PKD2: variants seen among roughly 807,000 people sequenced by gnomAD.
PKD2 encodes polycystin 2, transient receptor potential cation channel.
A neutral mutation model predicts 105.9 loss-of-function variants in PKD2; 48 were observed. The observed-to-expected ratio is 0.45, with a 90% CI of 0.36 to 0.58. The LOEUF (loss-of-function observed/expected upper bound fraction) is 0.58. PKD2 is among the 20% of genes least tolerant of loss of function. PKD2 has a pLI of 0.00. For synonymous variants in PKD2, 464 were observed against 481.1 expected (o/e 0.96, Z 0.46); for missense variants, 1,078 against 1,255.3 (o/e 0.86, Z 2.13).
At chr4:88,061,103 ACT>A (rs1212215666) in intron 9 of PKD2, among the ~76,000 whole-genome samples, 1 of 152,036 alleles carries the variant, frequency 6.6e-6, no homozygotes, top group African/African-American at 2.4e-5. Flanking sequence ...AGCCTTTTAA[ACT>A]CTTTAAAAAT....
intron 12 of PKD2, 64 bp from the exon 13 acceptor site, chr4:88,067,834 C>A: frequency 6.8e-7 from 1 of 1,466,892 alleles, no homozygotes; most frequent in East Asian, 2.3e-5. Context: ...TGCCCAAGTC[C>A]TTGGTGAGGC....
chr4:88,044,148 G>A (rs1411738291), intron 5 of PKD2, among the ~76,000 whole-genome samples: 2 of 152,220 alleles, frequency 1.3e-5, no homozygotes, highest in South Asian at 2.1e-4. Flanking sequence ...ATAAAGATCC[G>A]CACCTTGGCA....
chr4:88,025,047 G>T (rs1726904298), intron 2 of PKD2, among the ~76,000 whole-genome samples: 1 of 151,990 alleles, frequency 6.6e-6, no homozygotes, highest in African/African-American at 2.4e-5. Context: ...GCAGGGAATT[G>T]CTTAAACCCT....
chr4:88,019,557 T>C lies in PKD2; in HGVS notation c.695T>C (p.Ile232Thr). Reference protein sequence around the residue: ...RELVTYLLFLIVLCILTYGMM... With the variant: ...RELVTYLLFLTVLCILTYGMM... ...CTGGTCACATACCTCCTTTTTCTCA[T>C]AGTCTTGTGCATCTGTAAGTAGAAT... The change falls in exon 2 of 15, where the codon ATA (isoleucine) becomes ACA (threonine). Residue 232 changes from isoleucine to threonine, a missense_variant. Ile to Thr is a moderately conservative substitution (Grantham distance 89). Around this residue, in one of 2 missense-constraint regions of PKD2, gnomAD observed 868 missense variants for 1,067.3 expected, o/e 0.81. Transcript: ENST00000237596. 6.5e-7 allele frequency: 1 copy of C among 1,538,796 alleles called. No homozygotes were observed. Among genetic ancestry groups the C allele is most frequent in the Non-Finnish European group, 9.0e-7 (1 of 1,111,140 alleles).
intron 1 of PKD2, among the ~76,000 whole-genome samples, chr4:88,009,654 A>C (rs1726318892): frequency 6.6e-6 from 1 of 152,252 alleles, no homozygotes; most frequent in Non-Finnish European, 1.5e-5. Context: ...AGATTCTTAT[A>C]CTAGTTAATT....
chr4:88,065,958 G>A (rs559397348), intron 12 of PKD2, 79 bp downstream of exon 12: 8 of 845,078 alleles, frequency 9.5e-6, no homozygotes, highest in Admixed American at 1.7e-5. Context: ...AGAAGTAGTG[G>A]GTTATTGAGT....
Position 88,075,076 on chromosome 4 carries a change from A to G in PKD2, c.2670+117A>G, listed in dbSNP as rs546512230. On this transcript the variant is annotated intron_variant, in intron 14 of 14. Coordinates refer to ENST00000237596, the MANE Select transcript of PKD2 (RefSeq NM_000297.4). ...AAGAGTAAAAAAAATTTACGTTTAT[A>G]GAAATTCACAATGATGTTTCCATTT... The G allele has an allele frequency of 4.7e-6, 5 of 1,073,416 alleles. No homozygotes were observed. The African/African-American group carries it at 6.3e-5, about 14-fold the overall frequency. 66.5% of individuals were successfully genotyped at this position (1,073,416 alleles called of 1,614,324 possible).
At position 88,047,171 on chromosome 4, in the gene PKD2, C is replaced by CT. The variant is rs1435211265; in HGVS notation, c.1548+304dup. Among the ~76,000 whole-genome samples, 7 of 137,170 alleles carry CT rather than the reference C, an allele frequency of 5.1e-5. No homozygotes were observed. The East Asian group carries it at 1.2e-3, about 24-fold the overall frequency. The allele number at this position is 137,170 out of a possible 152,430, so 90.0% of individuals were successfully genotyped here. A position where few individuals can be genotyped will look rare whatever the true frequency, so the allele number is the denominator to read the frequency against. ...TGTGGAGGAGAAAACAGTTTTTTTT[C>CT]TTTGTTTTTTTTTCCACTAATGATA... is the stretch of plus-strand genomic sequence containing the variant. On this transcript the variant is annotated intron_variant, in intron 6 of 14. Transcript: ENST00000237596.
intron 6 of PKD2, among the ~76,000 whole-genome samples, chr4:88,050,176 G>A (rs1397636476): frequency 5.3e-5 from 8 of 151,796 alleles, no homozygotes; most frequent in African/African-American, 1.2e-4. Context: ...GGGTTTCACC[G>A]AGTTAGCCAG....
At chr4:88,039,172 C>A (rs926092607) in intron 4 of PKD2, among the ~76,000 whole-genome samples, 1 of 152,106 alleles carries the variant, frequency 6.6e-6, no homozygotes, top group Non-Finnish European at 1.5e-5. Flanking sequence ...TCCCTGGGTA[C>A]GTCACTGGTC....
chr4:88,016,314 G>C (rs142564144), intron 1 of PKD2, among the ~76,000 whole-genome samples: 1 of 152,180 alleles, frequency 6.6e-6, no homozygotes, highest in African/African-American at 2.4e-5. Flanking sequence ...CTCTCAGTCC[G>C]TGTTCTCCCT....
At chr4:88,060,356 A>G (rs1720523484) in intron 9 of PKD2, among the ~76,000 whole-genome samples, 1 of 152,128 alleles carries the variant, frequency 6.6e-6, no homozygotes, top group Non-Finnish European at 1.5e-5. Context: ...TCCTTAATAC[A>G]GAAATTCATA....
chr4:88,049,224 G>A (rs561082451), intron 6 of PKD2, among the ~76,000 whole-genome samples: 2 of 152,214 alleles, frequency 1.3e-5, no homozygotes, highest in African/African-American at 2.4e-5. Flanking sequence ...AGGTACATCC[G>A]TAAAACATAC....
chr4:88,063,108 A>G (rs1233600421), intron 10 of PKD2, among the ~76,000 whole-genome samples: 1 of 152,224 alleles, frequency 6.6e-6, no homozygotes, highest in Non-Finnish European at 1.5e-5. Flanking sequence ...GAGCAGGCTC[A>G]CTGGTCAGTC....
At position 88,036,289 on chromosome 4, in the gene PKD2, C is replaced by T; in HGVS notation, c.779C>T (p.Thr260Ile). Residue 260 changes from threonine to isoleucine, a missense_variant, in exon 3 of 15, where the codon ACC (threonine) becomes ATC (isoleucine). Around this residue, in one of 2 missense-constraint regions of PKD2, gnomAD observed 868 missense variants for 1,067.3 expected, o/e 0.81. Coordinates refer to ENST00000237596, the MANE Select transcript of PKD2 (RefSeq NM_000297.4). ...TRMMSQLFLDTPVSKTEKTNF... is the reference protein window; with the variant it reads ...TRMMSQLFLDIPVSKTEKTNF... ...ATGATGTCACAGCTCTTCCTAGACACCCCCGTGTCCAAAACGGAGAAAACT... is the reference window on the plus strand; with the variant it reads ...ATGATGTCACAGCTCTTCCTAGACATCCCCGTGTCCAAAACGGAGAAAACT... 1 of 1,613,902 alleles carries T rather than the reference C, an allele frequency of 6.2e-7. No individual in the cohort carries two copies. The highest frequency in any genetic ancestry group is 8.5e-7 in the Non-Finnish European group (1 of 1,179,812).
At chr4:88,052,835 A>G (rs1301730624) in intron 7 of PKD2, among the ~76,000 whole-genome samples, 1 of 152,162 alleles carries the variant, frequency 6.6e-6, no homozygotes, top group East Asian at 1.9e-4. Context: ...GCACTTGGAA[A>G]TGCTTGCTAG....
At chr4:88,023,051 A>C (rs1373975683) in intron 2 of PKD2, among the ~76,000 whole-genome samples, 1 of 152,106 alleles carries the variant, frequency 6.6e-6, no homozygotes, top group Non-Finnish European at 1.5e-5. Flanking sequence ...ACTGCACTCC[A>C]TCCAGCCTGG....
rs1462345038 is a variant in PKD2, at chr4:88,046,730, G to T, written c.1408G>T (p.Asp470Tyr). ...LKLIRYVTTF[D>Y]FFLAACEIIF... ...GCTGATCCGATATGTCACAACTTTT[G>T]ATTTCTTCCTGGCAGCCTGTGAGAT... Residue 470 changes from aspartate (D) to tyrosine (Y), a missense_variant, in exon 6 of 15, where the codon GAT (aspartate) becomes TAT (tyrosine). Asp to Tyr is a radical substitution (Grantham distance 160). Transcript: ENST00000237596. The T allele has an allele frequency of 1.2e-6, 2 of 1,613,454 alleles. No individual in the cohort carries two copies. The highest frequency in any genetic ancestry group is 2.2e-5 in the South Asian group (2 of 91,058).
rs373794310 is a variant in PKD2 at position 88,075,625 on chromosome 4, A to G, written c.2838A>G (p.Pro946=). 21 of 1,614,074 alleles carry G rather than the reference A, an allele frequency of 1.3e-5. No individual in the cohort carries two copies. The highest frequency in any genetic ancestry group is 3.3e-4 in the Middle Eastern group (2 of 6,082). The change falls in exon 15 of 15, where the codon CCA becomes CCG. Residue 946 remains proline (P), a synonymous_variant. Transcript: ENST00000237596. ...NGQPRPRSSR[P]SSSQSTEGME... ...AACCTCGCCCCAGAAGCTCCCGCCCATCTTCCTCCCAATCTACAGAAGGCA... is the reference window on the plus strand; with the variant it reads ...AACCTCGCCCCAGAAGCTCCCGCCCGTCTTCCTCCCAATCTACAGAAGGCA...
Sources: allele counts gnomAD v4.1 joint callset (sites outside exome capture counted in the v4.1 genomes callset), GRCh38; gene constraint gnomAD v4.1.1; regional missense constraint gnomAD v4.1.1; transcripts MANE v1.5; gene names NCBI Gene and HGNC (gene_info 2026-07-23, HGNC 2026-07-21).